Variants in ZZEF1 observed in about 807,000 individuals in gnomAD.
ZZEF1 encodes the protein zinc finger ZZ-type and EF-hand domain-containing protein 1.
In ZZEF1, 157 loss-of-function variants were observed where a neutral mutation model predicts 342.8. That is an observed-to-expected ratio of 0.46 (90% CI 0.40 to 0.52). The LOEUF is 0.52. Among genes scored for constraint, ZZEF1 ranks in the 20% least tolerant of loss-of-function variants. The pLI, the probability that ZZEF1 is intolerant of heterozygous loss-of-function variation, is 0.00. For synonymous variants in ZZEF1, 1,505 were observed against 1,429.1 expected, an observed-to-expected ratio of 1.05 and a Z score of -1.20; for missense variants, 3,480 against 3,725.6, an observed-to-expected ratio of 0.93 and a Z score of 1.72.
At position 4,133,174 on chromosome 17, in the gene ZZEF1, C is replaced by T. The variant is rs183018091; in HGVS notation, c.355-9123G>A. Among the ~76,000 whole-genome samples the T allele has an allele frequency of 7.9e-5, 12 of 152,260 alleles. 1 individual carries two copies. The highest frequency in any genetic ancestry group is 5.8e-4 in the East Asian group (3 of 5,186). ...CAGCTATCATTCATTCAGTTGGGAA[C>T]GACACACAGACTTGGAAACTATGAA... On this transcript the variant is annotated intron_variant, in intron 1 of 54. Coordinates refer to ENST00000381638, the MANE Select transcript of ZZEF1 (RefSeq NM_015113.4).
At chr17:4,123,451 T>C (rs1456747306) in intron 2 of ZZEF1, among the ~76,000 whole-genome samples, 1 of 151,606 alleles carries the variant, frequency 6.6e-6, no homozygotes, top group Admixed American at 6.6e-5. Context: ...GCTTACCACA[T>C]GCCAAAAAAA....
rs1228284087 is a variant in ZZEF1, at chr17:4,143,000, C to A, written c.-105G>T. 14 of 1,268,372 alleles carry A rather than the reference C, an allele frequency of 1.1e-5. No homozygotes were observed. Among genetic ancestry groups the A allele is most frequent in the Non-Finnish European group, 1.4e-5 (14 of 1,011,708 alleles). The allele number at this position is 1,268,372 out of a possible 1,614,324, so 78.6% of individuals were successfully genotyped here. ...CTGGCGGGCGGGGACGCGGAGGAGA[C>A]GACGGCGGCCCCTGCGGCTTCCGGC... On this transcript the variant is annotated 5_prime_UTR_variant, in exon 1 of 55. Transcript: ENST00000381638.
At position 4,052,046 on chromosome 17, in the gene ZZEF1, C is replaced by T. The variant is rs147734356; in HGVS notation, c.5525G>A (p.Arg1842Gln). ...CDHCQGLIIG[R>Q]RMNCNVCDDF... ...ATCGCAAACATTGCAGTTCATCCTC[C>T]GGCCTATGATCAAACCCTGGCAGTG... Residue 1842 changes from arginine to glutamine, a missense_variant, in exon 35 of 55, where the codon CGG becomes CAG. Arg to Gln is a conservative substitution (Grantham distance 43). Coordinates refer to ENST00000381638, the MANE Select transcript of ZZEF1 (RefSeq NM_015113.4). The T allele has an allele frequency of 6.6e-5, 106 of 1,614,162 alleles. No individual in the cohort carries two copies. Among genetic ancestry groups the T allele is most frequent in the African/African-American group, 6.3e-4 (47 of 75,036 alleles).
chr17:4,076,533 G>T, intron 21 of ZZEF1, 104 bp downstream of exon 21: 1 of 1,427,166 alleles, frequency 7.0e-7, no homozygotes, highest in Non-Finnish European at 9.4e-7. Flanking sequence ...CCTTCTAGAG[G>T]CTGCTCAGCT....
At chr17:4,128,211 G>A (rs916318049) in intron 1 of ZZEF1, among the ~76,000 whole-genome samples, 1 of 151,752 alleles carries the variant, frequency 6.6e-6, no homozygotes, top group Non-Finnish European at 1.5e-5. Flanking sequence ...AGCTGGGTGT[G>A]GTGGCGCGTG....
chr17:4,023,353 T>C (rs1190905099), intron 43 of ZZEF1, among the ~76,000 whole-genome samples: 2 of 152,204 alleles, frequency 1.3e-5, no homozygotes, highest in African/African-American at 2.4e-5. Context: ...ACCTTCTTTC[T>C]GGCTCCAACA....
chr17:4,014,281 C>G lies in ZZEF1; in HGVS notation c.8314+66G>C. ...GTTTCAACATTCTCCAGTAAGTTCC[C>G]TTCTCAATATTAAGTTTAAACACTG... On this transcript the variant is annotated intron_variant, in intron 50 of 54. Transcript: ENST00000381638. This position sits in a 1 kb window ranked among gnomAD's most constrained non-coding sequence, Gnocchi z 4.4. The G allele has an allele frequency of 6.2e-7, 1 of 1,611,168 alleles. No homozygotes were observed. The highest frequency in any genetic ancestry group is 8.5e-7 in the Non-Finnish European group (1 of 1,177,634).
Position 4,142,833 on chromosome 17 carries a change from C to A in ZZEF1, c.63G>T (p.Trp21Cys). ...CCGCGGCCCAGTCCTGGTGTGGGCC[C>A]CAGCCCTCGCCACCGGCAGCTGCCG... ...DEAAAAGGEG[W>C]GPHQDWAAVS... Residue 21 changes from tryptophan (W) to cysteine (C), a missense_variant, in exon 1 of 55, where the codon TGG becomes TGT. This residue lies in a region of ZZEF1 where 416 missense variants were observed against 374.2 expected (regional missense o/e 1.11). Transcript: ENST00000381638. 1 of 1,398,836 alleles carries A rather than the reference C, an allele frequency of 7.1e-7. No homozygotes were observed. The highest frequency in any genetic ancestry group is 9.2e-7 in the Non-Finnish European group (1 of 1,085,948). 86.7% of individuals were successfully genotyped at this position (1,398,836 alleles called of 1,614,324 possible). A position where few individuals can be genotyped will look rare whatever the true frequency, so the allele number is the denominator to read the frequency against.
intron 1 of ZZEF1, among the ~76,000 whole-genome samples, chr17:4,132,307 C>T (rs957340663): frequency 2.0e-5 from 3 of 151,784 alleles, no homozygotes; most frequent in Admixed American, 6.6e-5. Context: ...CCTCAGCCTC[C>T]GAAGTAGCTG....
chr17:4,042,533 T>C lies in ZZEF1; in HGVS notation c.6202A>G (p.Ile2068Val), dbSNP rs371658111. The change falls in exon 39 of 55, where the codon ATA becomes GTA. Residue 2068 changes from isoleucine (I) to valine (V), a missense_variant. Physicochemically the swap from Ile to Val is conservative, Grantham distance 29 (BLOSUM62 3). This residue lies in a region of ZZEF1 where 1,269 missense variants were observed against 1,342.4 expected (regional missense o/e 0.95). Transcript: ENST00000381638. ...EDSEVSSQKPIEEKAVTPSPE... is the reference protein window; with the variant it reads ...EDSEVSSQKPVEEKAVTPSPE... ...CTTGGAGTAACTGCTTTTTCCTCTA[T>C]GGGCTTCTGAGATGACACTTCTGAA... is the stretch of plus-strand genomic sequence containing the variant. The C allele has an allele frequency of 1.3e-5, 21 of 1,613,802 alleles. No homozygotes were observed. The highest frequency in any genetic ancestry group is 5.3e-5 in the African/African-American group (4 of 74,928).
intron 42 of ZZEF1, 132 bp downstream of exon 42, chr17:4,031,994 C>A: frequency 1.1e-6 from 1 of 928,828 alleles, no homozygotes; most frequent in South Asian, 1.8e-5. Flanking sequence ...AAAAGAAGCT[C>A]GGGGAGCTAT....
chr17:4,068,371 G>A (rs544722354), intron 26 of ZZEF1, among the ~76,000 whole-genome samples: 13 of 152,118 alleles, frequency 8.5e-5, no homozygotes, highest in South Asian at 2.1e-4. Flanking sequence ...TCTGCCTCCC[G>A]GGTTCAAGCA....
In ZZEF1 at chr17:4,017,022, G is replaced by A; in HGVS notation, c.8001+349C>T. ...TCTCAGATGGACAAAGCAAGGCTGA[G>A]AGGCCAAATGAACTTCCTCATGGAC... On this transcript the variant is annotated intron_variant, in intron 48 of 54. Coordinates refer to ENST00000381638, the MANE Select transcript of ZZEF1 (RefSeq NM_015113.4). The surrounding 1 kb of genome is among the most constrained non-coding windows in gnomAD (Gnocchi z 5.1). 1 of 241,444 alleles carries A rather than the reference G, an allele frequency of 4.1e-6. No homozygotes were observed. The highest frequency in any genetic ancestry group is 8.1e-6 in the Non-Finnish European group (1 of 122,946). 15.0% of individuals were successfully genotyped at this position (241,444 alleles called of 1,614,324 possible).
In ZZEF1 at chr17:4,008,963, A is replaced by G; in HGVS notation, c.8734-9T>C. The G allele has an allele frequency of 6.5e-7, 1 of 1,539,736 alleles. No homozygotes were observed. The highest frequency in any genetic ancestry group is 8.7e-7 in the Non-Finnish European group (1 of 1,146,918). ...TGCAGCACGCCAAGCTCCTGCAGAG[A>G]GAGAGCAGGGGCTGTGAGTGACAGC... On this transcript the variant is annotated splice_polypyrimidine_tract_variant and intron_variant, in intron 53 of 54. Coordinates refer to ENST00000381638, the MANE Select transcript of ZZEF1 (RefSeq NM_015113.4). This position sits in a 1 kb window ranked among gnomAD's most constrained non-coding sequence, Gnocchi z 4.2.
chr17:4,075,046 G>A, intron 23 of ZZEF1, 51 bp downstream of exon 23: 2 of 1,590,120 alleles, frequency 1.3e-6, no homozygotes, highest in Non-Finnish European at 1.7e-6. Flanking sequence ...GCTGACAAAA[G>A]GAAAAGCATT....
chr17:4,090,482 C>T (rs1040821481), intron 12 of ZZEF1, among the ~76,000 whole-genome samples: 1 of 152,242 alleles, frequency 6.6e-6, no homozygotes, highest in Non-Finnish European at 1.5e-5. Context: ...ACCACCCTTC[C>T]TGAGAAGCTT....
At chr17:4,132,107 C>T (rs1184940090) in intron 1 of ZZEF1, among the ~76,000 whole-genome samples, 1 of 151,972 alleles carries the variant, frequency 6.6e-6, no homozygotes, top group Non-Finnish European at 1.5e-5. Context: ...GACATTGGGA[C>T]AGGACAGCAG....
At chr17:4,054,563 T>C (rs1285351959) in intron 33 of ZZEF1, among the ~76,000 whole-genome samples, 1 of 151,990 alleles carries the variant, frequency 6.6e-6, no homozygotes, top group East Asian at 1.9e-4. Context: ...CAGATAGAAA[T>C]AGCAAATTTG....
intron 25 of ZZEF1, among the ~76,000 whole-genome samples, chr17:4,071,768 C>G (rs549592112): frequency 1.3e-5 from 2 of 152,024 alleles, no homozygotes; most frequent in African/African-American, 4.8e-5. Flanking sequence ...GGAGTCAGGA[C>G]ATTTAAATGG....
Sources: gnomAD v4.1 joint callset for allele counts (sites outside exome capture counted in the v4.1 genomes callset) on GRCh38, gnomAD v4.1.1 for gene constraint, gnomAD v4.1.1 regional missense constraint, Gnocchi (gnomAD v3.1) non-coding constraint, MANE v1.5 for transcripts, NCBI Gene and HGNC (gene_info 2026-07-23, HGNC 2026-07-21) for gene names.